PPP1R21: variants seen among roughly 807,000 people sequenced by gnomAD.
The protein encoded by PPP1R21 is protein phosphatase 1 regulatory subunit 21.
A neutral mutation model predicts 112.8 loss-of-function variants in PPP1R21; 85 were observed. That is an observed-to-expected ratio of 0.75 (90% confidence interval 0.63 to 0.90). The LOEUF (loss-of-function observed/expected upper bound fraction) is 0.90, where lower values mean the gene tolerates loss of function less well. Among genes scored for constraint, PPP1R21 ranks in the 40% least tolerant of loss-of-function variants. PPP1R21 has a pLI of 0.00. For missense variants in PPP1R21, 1,199 were observed against 901.5 expected (o/e 1.33, Z -4.23); for synonymous variants, 381 against 322.3 (o/e 1.18, Z -1.95).
intron 16 of PPP1R21, among the ~76,000 whole-genome samples, chr2:48,496,292 C>A (rs146186525): frequency 6.6e-6 from 1 of 152,100 alleles, no homozygotes; most frequent in African/African-American, 2.4e-5. Flanking sequence ...TAAATGGAAT[C>A]TCTCTCTCTG....
Position 48,502,446 on chromosome 2 carries a change from G to T in PPP1R21, c.1936-3118G>T, listed in dbSNP as rs150757913. On this transcript the variant is annotated intron_variant, in intron 17 of 21. Transcript: ENST00000294952. Reference sequence around the variant, plus strand: ...GCTTTCCTTGATGTTTCTACTTTCAGCCTTTCTTTTTACCCCCATGCCCTT... The same window carrying T: ...GCTTTCCTTGATGTTTCTACTTTCATCCTTTCTTTTTACCCCCATGCCCTT... 6.9e-3 allele frequency among the ~76,000 whole-genome samples: 1,034 copies of T among 149,544 alleles called. 4 individuals are homozygous for T. Among genetic ancestry groups the T allele is most frequent in the Middle Eastern group, 0.01 (3 of 294 alleles).
At chr2:48,505,227 C>T (rs543894031) in intron 17 of PPP1R21, among the ~76,000 whole-genome samples, 5 of 152,170 alleles carry the variant, frequency 3.3e-5, no homozygotes, top group Non-Finnish European at 7.3e-5. Context: ...TTCTTGGCTA[C>T]TGCTTTGGGA....
At chr2:48,463,679 G>A (rs1558444815) in intron 7 of PPP1R21, among the ~76,000 whole-genome samples, 1 of 152,122 alleles carries the variant, frequency 6.6e-6, no homozygotes, top group Non-Finnish European at 1.5e-5. Context: ...AGTTAAATGA[G>A]CTGCAGCAAA....
In PPP1R21 at chr2:48,510,042, T is replaced by A; in HGVS notation, c.2113T>A (p.Leu705Met). Residue 705 changes from leucine to methionine, a missense_variant, in exon 20 of 22, where the codon TTG (leucine) becomes ATG (methionine). Coordinates refer to ENST00000294952, the MANE Select transcript of PPP1R21 (RefSeq NM_001135629.3). ...ECRALSKRLA[L>M]AEKSKEALTE... ...CCGAGCACTGTCTAAAAGACTGGCC[T>A]TGGCTGAAAAGTCTAAGGAAGCATT... 2 of 1,613,936 alleles carry A rather than the reference T, an allele frequency of 1.2e-6. No individual in the cohort carries two copies. The highest frequency in any genetic ancestry group is 2.2e-5 in the East Asian group (1 of 44,884).
chr2:48,498,778 C>G, intron 17 of PPP1R21, 43 bp downstream of exon 17: 2 of 1,596,570 alleles, frequency 1.3e-6, no homozygotes, highest in Non-Finnish European at 1.7e-6. Context: ...TTTTTAAATG[C>G]TAATTGGTAA....
chr2:48,498,420 G>GT, intron 16 of PPP1R21, 73 bp from the exon 17 acceptor site: 37 of 1,520,196 alleles, frequency 2.4e-5, no homozygotes, highest in Non-Finnish European at 3.3e-5. Flanking sequence ...TTTACATTCT[G>GT]TAAGATAGTT....
At chr2:48,461,362 G>T in intron 7 of PPP1R21, 130 bp downstream of exon 7, 1 of 1,293,660 alleles carries the variant, frequency 7.7e-7, no homozygotes, top group Non-Finnish European at 9.9e-7. Context: ...CTTTCTCTTT[G>T]TTCATTTGAT....
In PPP1R21 at chr2:48,471,316, T is replaced by C. The variant is rs1558461213; in HGVS notation, c.1037T>C (p.Leu346Ser). The C allele has an allele frequency of 6.2e-7, 1 of 1,611,880 alleles. No homozygotes were observed. Among genetic ancestry groups the C allele is most frequent in the Non-Finnish European group, 8.5e-7 (1 of 1,179,322 alleles). ...TVKLKTFSEH[L>S]TSYICFLRKI... ...AAATTGAAAACTTTTTCAGAACACT[T>C]AACCTCCTACATATGTTTTCTTAGG... Residue 346 changes from leucine (L) to serine (S), a missense_variant, in exon 11 of 22, where the codon TTA becomes TCA. Physicochemically the swap from Leu to Ser is moderately radical, Grantham distance 145. Coordinates refer to ENST00000294952, the MANE Select transcript of PPP1R21 (RefSeq NM_001135629.3).
intron 1 of PPP1R21, among the ~76,000 whole-genome samples, chr2:48,442,500 T>G (rs1021499147): frequency 6.6e-6 from 1 of 152,228 alleles, no homozygotes; most frequent in Non-Finnish European, 1.5e-5. Flanking sequence ...TAAGCTTGTT[T>G]AGCAGACAAT....
intron 15 of PPP1R21, among the ~76,000 whole-genome samples, chr2:48,493,568 A>C (rs1669667651): frequency 6.7e-6 from 1 of 148,200 alleles, no homozygotes; most frequent in East Asian, 2.0e-4. Flanking sequence ...ACATTTGGAC[A>C]GGCAGCCTGT....
Position 48,486,929 on chromosome 2 carries a change from A to G in PPP1R21, c.1446+171A>G, listed in dbSNP as rs1669328600. On this transcript the variant is annotated intron_variant, in intron 14 of 21. Transcript: ENST00000294952. ...TACCCAGTATGTACTCTGACTTATT[A>G]TTTTAAGAGAGGGATCTCTCGCTAT... Among the ~76,000 whole-genome samples the G allele has an allele frequency of 8.5e-5, 13 of 152,268 alleles. 1 individual carries two copies. In the South Asian group the frequency reaches 2.7e-3, roughly 32 times the overall value.
At chr2:48,488,561 G>A (rs1391114195) in intron 14 of PPP1R21, among the ~76,000 whole-genome samples, 6 of 151,780 alleles carry the variant, frequency 4.0e-5, no homozygotes, top group Non-Finnish European at 7.4e-5. Flanking sequence ...TAGTAGAGAC[G>A]GGATTTCACC....
chr2:48,465,476 T>C lies in PPP1R21; in HGVS notation c.748-17T>C. 1 of 1,601,278 alleles carries C rather than the reference T, an allele frequency of 6.2e-7. No homozygotes were observed. Among genetic ancestry groups the C allele is most frequent in the Non-Finnish European group, 8.5e-7 (1 of 1,176,394 alleles). On this transcript the variant is annotated splice_polypyrimidine_tract_variant and intron_variant, in intron 8 of 21. Coordinates refer to ENST00000294952, the MANE Select transcript of PPP1R21 (RefSeq NM_001135629.3). The stretch of plus-strand genomic sequence containing the variant: ...AATTTGAGAGTTGACCTTAACTATA[T>C]ATTTTTCATTTTAAAGCTGAAGATG...
chr2:48,446,630 T>G (rs1033625167), intron 1 of PPP1R21, among the ~76,000 whole-genome samples: 2 of 152,150 alleles, frequency 1.3e-5, no homozygotes, highest in East Asian at 1.9e-4. Flanking sequence ...AACTAAAAAT[T>G]TATTGAGTTC....
chr2:48,474,248 T>C, intron 11 of PPP1R21, among the ~76,000 whole-genome samples: 1 of 151,924 alleles, frequency 6.6e-6, no homozygotes. Flanking sequence ...CCGGGCGTGG[T>C]GGTGGGTGCC....
chr2:48,492,275 C>A lies in PPP1R21; in HGVS notation c.1599+1105C>A, dbSNP rs537669341. On this transcript the variant is annotated intron_variant, in intron 15 of 21. Transcript: ENST00000294952. The stretch of plus-strand genomic sequence containing the variant: ...GGCTCTTTGAGCATTTATAAGCATG[C>A]AATCTATAAACAAAGAATTTTTCTT... 6.6e-5 allele frequency among the ~76,000 whole-genome samples: 10 copies of A among 152,246 alleles called. No homozygotes were observed. The East Asian group carries it at 1.9e-3, about 29-fold the overall frequency.
rs1176777941 is a variant in PPP1R21, at chr2:48,440,943, C to T, written c.-11C>T. On this transcript the variant is annotated 5_prime_UTR_variant, in exon 1 of 22. Coordinates refer to ENST00000294952, the MANE Select transcript of PPP1R21 (RefSeq NM_001135629.3). Reference sequence around the variant, plus strand: ...CCTGGGCGGCCTGGCCTGTACGGGGCGGGGGAGGCCATGGCCTCGGCTGAG... The same window carrying T: ...CCTGGGCGGCCTGGCCTGTACGGGGTGGGGGAGGCCATGGCCTCGGCTGAG... 3.9e-5 allele frequency: 29 copies of T among 748,326 alleles called. 1 individual carries two copies. The Admixed American group carries it at 5.6e-4, about 14-fold the overall frequency. The allele number at this position is 748,326 out of a possible 1,614,324, so 46.4% of individuals were successfully genotyped here.
chr2:48,447,398 C>T (rs965849300), intron 1 of PPP1R21, among the ~76,000 whole-genome samples: 1 of 152,124 alleles, frequency 6.6e-6, no homozygotes, highest in Non-Finnish European at 1.5e-5. Context: ...GTACTCTTCC[C>T]CCACTGAATG....
chr2:48,477,633 C>G (rs1273276558), intron 12 of PPP1R21, among the ~76,000 whole-genome samples: 2 of 149,880 alleles, frequency 1.3e-5, no homozygotes, highest in Non-Finnish European at 3.0e-5. Context: ...TGCTTTATAG[C>G]AAATTTCGAG....
Sources: allele counts gnomAD v4.1 joint callset (sites outside exome capture counted in the v4.1 genomes callset), GRCh38; gene constraint gnomAD v4.1.1; transcripts MANE v1.5; gene names NCBI Gene and HGNC (gene_info 2026-07-23, HGNC 2026-07-21).